VAC14: variants seen among roughly 807,000 people sequenced by gnomAD.
The protein encoded by VAC14 is protein VAC14 homolog.
A neutral mutation model predicts 85.3 loss-of-function variants in VAC14; 47 were observed. The ratio of observed to expected loss-of-function variants is 0.55; its 90% CI spans 0.44 to 0.70. The LOEUF is 0.70. Ranked by LOEUF, VAC14 falls within the 30% of genes least tolerant of loss-of-function variation. The pLI is 0.00. For missense variants in VAC14, 861 were observed against 1,004.3 expected, an observed-to-expected ratio of 0.86 and a Z score of 1.93; for synonymous variants, 447 against 430.5, an observed-to-expected ratio of 1.04 and a Z score of -0.47.
At chr16:70,698,928 G>T in intron 14 of VAC14, 117 bp from the exon 15 acceptor site, 1 of 742,472 alleles carries the variant, frequency 1.3e-6, no homozygotes, top group Non-Finnish European at 2.0e-6. Flanking sequence ...CTTTCCTGAG[G>T]CCAGTGTGGA....
intron 12 of VAC14, chr16:70,755,176 G>T (rs1224558284): frequency 1.6e-5 from 5 of 321,312 alleles, no homozygotes; most frequent in Non-Finnish European, 2.5e-5. Flanking sequence ...CAGCGCTTCT[G>T]GGAGAAGGTC....
At chr16:70,783,188 G>C in intron 6 of VAC14, 49 bp from the exon 7 acceptor site, 1 of 1,581,940 alleles carries the variant, frequency 6.3e-7, no homozygotes, top group Non-Finnish European at 8.6e-7. Flanking sequence ...AGCCAGGGCT[G>C]GAGGAGCCTC....
chr16:70,759,480 T>A (rs1376425461), intron 12 of VAC14, among the ~76,000 whole-genome samples: 1 of 151,888 alleles, frequency 6.6e-6, no homozygotes, highest in Admixed American at 6.6e-5. Context: ...TGCAAAAAGT[T>A]AGTCAGGTGT....
At position 70,695,557 on chromosome 16, in the gene VAC14, G is replaced by T; in HGVS notation, c.2022C>A (p.Cys674Ter). The change falls in exon 17 of 19, where the codon TGC becomes TGA. Residue 674 changes from cysteine to a stop codon, truncating the protein, a stop_gained. Coordinates refer to ENST00000261776, the MANE Select transcript of VAC14 (RefSeq NM_018052.5). LOFTEE classifies it high-confidence loss of function. The part of the protein sequence containing the change: ...EVDKLVQLIE[C>*]PIFTYLRLQL... ...GGTGGTTCTTACATGTGAAGATGGG[G>T]CACTCAATCAGCTGCACCAGCTTGT... 1 of 1,613,954 alleles carries T rather than the reference G, an allele frequency of 6.2e-7. No individual in the cohort carries two copies. The highest frequency in any genetic ancestry group is 2.2e-5 in the East Asian group (1 of 44,868).
intron 12 of VAC14, chr16:70,755,089 G>T (rs555424609): frequency 1.5e-5 from 3 of 205,636 alleles, no homozygotes; most frequent in South Asian, 9.9e-5. Flanking sequence ...CGGGCAGCGT[G>T]GGGGCAGAGG....
intron 13 of VAC14, among the ~76,000 whole-genome samples, chr16:70,739,332 T>A (rs1209706572): frequency 6.6e-6 from 1 of 152,134 alleles, no homozygotes; most frequent in East Asian, 1.9e-4. Flanking sequence ...GAGAAACAGG[T>A]GCTTTCCTGG....
At position 70,695,595 on chromosome 16, in the gene VAC14, G is replaced by C; in HGVS notation, c.1984C>G (p.Leu662Val). The C allele has an allele frequency of 6.2e-7, 1 of 1,613,878 alleles. No individual in the cohort carries two copies. Among genetic ancestry groups the C allele is most frequent in the Non-Finnish European group, 8.5e-7 (1 of 1,179,928 alleles). Residue 662 changes from leucine to valine, a missense_variant, in exon 17 of 19, where the codon CTC (leucine) becomes GTC (valine). Coordinates refer to ENST00000261776, the MANE Select transcript of VAC14 (RefSeq NM_018052.5). ...FGDLEVTVDF[L>V]AEVDKLVQLI... ...TGCACCAGCTTGTCCACCTCTGCGA[G>C]GAAGTCCACGGTGACCTCCAGGTCC...
At chr16:70,778,710 C>T (rs2033650188) in intron 9 of VAC14, 1 of 152,164 alleles carries the variant, frequency 6.6e-6, no homozygotes, top group Non-Finnish European at 1.5e-5. Flanking sequence ...GAAGGTGAAG[C>T]TGTGTTAAGT....
Position 70,756,070 on chromosome 16 carries a change from C to T in VAC14, c.1371+6470G>A, listed in dbSNP as rs1326401188. 1.1e-5 allele frequency: 5 copies of T among 456,834 alleles called. 1 individual carries two copies. The highest frequency in any genetic ancestry group is 7.7e-5 in the South Asian group (5 of 64,576). 28.3% of individuals were successfully genotyped at this position (456,834 alleles called of 1,614,324 possible). A position where few individuals can be genotyped will look rare whatever the true frequency, so the allele number is the denominator to read the frequency against. ...ACCCACCTGACCACGGTGACAAGGA[C>T]TGCTTGGGAAGGATAAGGTAAGGGA... On this transcript the variant is annotated intron_variant, in intron 12 of 18. Coordinates refer to ENST00000261776, the MANE Select transcript of VAC14 (RefSeq NM_018052.5).
chr16:70,720,310 G>A (rs1490339365), intron 14 of VAC14, among the ~76,000 whole-genome samples: 1 of 152,162 alleles, frequency 6.6e-6, no homozygotes, highest in South Asian at 2.1e-4. Flanking sequence ...CATGATTTGT[G>A]CACTTTCAAA....
chr16:70,694,709 A>G (rs1217491944), intron 17 of VAC14, among the ~76,000 whole-genome samples: 1 of 152,188 alleles, frequency 6.6e-6, no homozygotes, highest in Non-Finnish European at 1.5e-5. Flanking sequence ...GCGTCATTCA[A>G]AGTGTGTATG....
chr16:70,741,025 C>T (rs1032610763), intron 13 of VAC14, among the ~76,000 whole-genome samples: 14 of 152,246 alleles, frequency 9.2e-5, no homozygotes, highest in African/African-American at 3.1e-4. Flanking sequence ...CAGATGCCAC[C>T]GACTTCACCT....
At chr16:70,759,167 T>C (rs559903344) in intron 12 of VAC14, among the ~76,000 whole-genome samples, 1 of 152,326 alleles carries the variant, frequency 6.6e-6, no homozygotes, top group African/African-American at 2.4e-5. Context: ...GAGCAGTGGC[T>C]CTCAGCGAGA....
intron 12 of VAC14, among the ~76,000 whole-genome samples, chr16:70,759,225 T>G (rs2032117606): frequency 2.0e-5 from 3 of 152,144 alleles, no homozygotes; most frequent in African/African-American, 7.2e-5. Flanking sequence ...GAGCAAGACA[T>G]TTGCAACACA....
At chr16:70,718,953 G>T (rs1371514559) in intron 14 of VAC14, among the ~76,000 whole-genome samples, 1 of 152,226 alleles carries the variant, frequency 6.6e-6, no homozygotes, top group East Asian at 1.9e-4. Context: ...AGAGGCCAGT[G>T]AAGTTCCTTT....
Position 70,762,769 on chromosome 16 carries a change from C to A in VAC14, c.1305+112G>T. On this transcript the variant is annotated intron_variant, in intron 11 of 18. Transcript: ENST00000261776. The surrounding 1 kb of genome is among the most constrained non-coding windows in gnomAD (Gnocchi z 4.1). The stretch of plus-strand genomic sequence containing the variant: ...GCAGCACCTGTCACTTCTCTGCCGG[C>A]CAGGGTTTCCCTAGAAGGGCAATGA... The A allele has an allele frequency of 1.3e-6, 2 of 1,551,910 alleles. No individual in the cohort carries two copies. The highest frequency in any genetic ancestry group is 1.8e-6 in the Non-Finnish European group (2 of 1,139,236).
intron 18 of VAC14, chr16:70,689,305 A>G: frequency 1.0e-6 from 1 of 985,482 alleles, no homozygotes; most frequent in Non-Finnish European, 1.2e-6. Flanking sequence ...CACTGTGGCT[A>G]CAGTTCTGCC....
chr16:70,707,365 G>T (rs2053941037), intron 14 of VAC14, among the ~76,000 whole-genome samples: 1 of 152,218 alleles, frequency 6.6e-6, no homozygotes, highest in Admixed American at 6.5e-5. Flanking sequence ...GGAGGAGGAG[G>T]ATGCGGAACT....
At chr16:70,741,542 G>A (rs1178873181) in intron 13 of VAC14, among the ~76,000 whole-genome samples, 1 of 152,214 alleles carries the variant, frequency 6.6e-6, no homozygotes, top group African/African-American at 2.4e-5. Context: ...TTGGAGCCTT[G>A]AGGCCCACAC....
Sources: gnomAD v4.1 joint callset for allele counts (sites outside exome capture counted in the v4.1 genomes callset) on GRCh38, gnomAD v4.1.1 for gene constraint, Gnocchi (gnomAD v3.1) non-coding constraint, MANE v1.5 for transcripts, NCBI Gene and HGNC (gene_info 2026-07-23, HGNC 2026-07-21) for gene names.